The following SVEP1 variants were observed in gnomAD, a reference collection of about 807,000 sequenced individuals.
The protein encoded by SVEP1 is sushi, von Willebrand factor type A, EGF and pentraxin domain containing 1, also known as sushi, von Willebrand factor type A, EGF and pentraxin domain-containing protein 1.
In SVEP1, 164 loss-of-function variants were observed where a neutral mutation model predicts 367.3. That is an observed-to-expected ratio of 0.45 (90% CI 0.39 to 0.51). The LOEUF is 0.51. SVEP1 is among the 20% of genes least tolerant of loss of function. The probability of loss-of-function intolerance (pLI) is 0.00; values close to 1 mark genes in which losing one functional copy is unlikely to be tolerated. For synonymous variants in SVEP1, 1,666 were observed against 1,611.6 expected (o/e 1.03, Z -0.81); for missense variants, 4,117 against 4,425.3 (o/e 0.93, Z 1.98).
intron 3 of SVEP1, among the ~76,000 whole-genome samples, chr9:110,520,589 G>A (rs1829863990): frequency 6.6e-6 from 1 of 152,092 alleles, no homozygotes; most frequent in Non-Finnish European, 1.5e-5. Flanking sequence ...TTTGACTGAA[G>A]TAAATAAAAA....
intron 7 of SVEP1, 59 bp from the exon 8 acceptor site, chr9:110,496,992 A>C: frequency 8.9e-7 from 1 of 1,121,164 alleles, no homozygotes; most frequent in South Asian, 1.6e-5. Context: ...TAGATCATTT[A>C]AGGAAGAGGT....
In SVEP1 at chr9:110,466,760, C is replaced by CAAAAAAAAAAAAAAAAAAAAAAAAA. The variant is rs71371670; in HGVS notation, c.3161-735_3161-734insTTTTTTTTTTTTTTTTTTTTTTTTT. 6.5e-5 allele frequency among the ~76,000 whole-genome samples: 3 copies of CAAAAAAAAAAAAAAAAAAAAAAAAA among 46,408 alleles called. 1 individual carries two copies. The highest frequency in any genetic ancestry group is 2.8e-4 in the African/African-American group (3 of 10,800). 30.4% of individuals were successfully genotyped at this position (46,408 alleles called of 152,430 possible). A position where few individuals can be genotyped will look rare whatever the true frequency, so the allele number is the denominator to read the frequency against. On this transcript the variant is annotated intron_variant, in intron 17 of 47. Transcript: ENST00000374469. ...TGGGCGACAGAGCGAGACTCCATCTCAAAAAAAAAAAAAAAAAAGAACTGG... is the reference window on the plus strand; with the variant it reads ...TGGGCGACAGAGCGAGACTCCATCTCAAAAAAAAAAAAAAAAAAAAAAAAAAAAAAAAAAAAAAAAAAAGAACTGG...
In SVEP1 at chr9:110,496,893, C is replaced by T. The variant is rs777161750; in HGVS notation, c.1722G>A (p.Glu574=). 1.4e-5 allele frequency: 21 copies of T among 1,555,144 alleles called. No homozygotes were observed. The South Asian group carries it at 2.3e-4, about 17-fold the overall frequency. Residue 574 remains glutamate (E), a synonymous_variant, in exon 8 of 48, where the codon GAG becomes GAA. Transcript: ENST00000374469. The part of the protein sequence containing the change: ...APQINCPKDI[E]AKTLEQQDSA... ...AATCTTGCTGTTCCAGAGTCTTAGC[C>T]TCTATGTCCTTAGGACAGTTGATTT...
chr9:110,369,095 G>GTGAT (rs1827240296), intron 47 of SVEP1, among the ~76,000 whole-genome samples: 3 of 152,102 alleles, frequency 2.0e-5, no homozygotes, highest in African/African-American at 7.2e-5. Context: ...TCTAAGTGCA[G>GTGAT]TGATATATAT....
At chr9:110,483,729 T>C in intron 9 of SVEP1, 36 bp from the exon 10 acceptor site, 1 of 1,487,046 alleles carries the variant, frequency 6.7e-7, no homozygotes. Flanking sequence ...AAGTCACAGC[T>C]GATATTCACA....
At chr9:110,425,736 A>T (rs1828244298) in intron 36 of SVEP1, among the ~76,000 whole-genome samples, 1 of 152,228 alleles carries the variant, frequency 6.6e-6, no homozygotes, top group Non-Finnish European at 1.5e-5. Context: ...CTAAGTGAAC[A>T]ATTTGTGAGG....
At chr9:110,471,321 C>A in intron 16 of SVEP1, 43 bp downstream of exon 16, 2 of 1,524,938 alleles carry the variant, frequency 1.3e-6, no homozygotes, top group Non-Finnish European at 1.8e-6. Context: ...CTCATTTGAC[C>A]CAGTATGCAC....
chr9:110,457,146 T>C (rs1255406041), intron 21 of SVEP1, 110 bp downstream of exon 21: 1 of 824,894 alleles, frequency 1.2e-6, no homozygotes, highest in Admixed American at 3.8e-5. Context: ...CACATTTACA[T>C]GGTCTAATGT....
intron 9 of SVEP1, among the ~76,000 whole-genome samples, chr9:110,487,152 C>T (rs528517041): frequency 2.0e-5 from 3 of 152,256 alleles, no homozygotes; most frequent in South Asian, 2.1e-4. Context: ...GATGGGGTTT[C>T]TTCACATTGG....
At chr9:110,466,914 A>G (rs573878333) in intron 17 of SVEP1, among the ~76,000 whole-genome samples, 1 of 152,112 alleles carries the variant, frequency 6.6e-6, no homozygotes, top group Non-Finnish European at 1.5e-5. Flanking sequence ...GCAACTTGCT[A>G]TAATTCATAA....
rs184384147 is a variant in SVEP1 at position 110,431,136 on chromosome 9, A to T, written c.5354-686T>A. On this transcript the variant is annotated intron_variant, in intron 32 of 47. Coordinates refer to ENST00000374469, the MANE Select transcript of SVEP1 (RefSeq NM_153366.4). ...AGCTGATTTTGAGGAAAACAGCCAGAGGTAAGCATAAAGATGTATGTCCAA... is the reference window on the plus strand; with the variant it reads ...AGCTGATTTTGAGGAAAACAGCCAGTGGTAAGCATAAAGATGTATGTCCAA... Among the ~76,000 whole-genome samples the T allele has an allele frequency of 2.6e-5, 4 of 152,360 alleles. 1 individual carries two copies. The highest frequency in any genetic ancestry group is 9.6e-5 in the African/African-American group (4 of 41,600).
intron 36 of SVEP1, among the ~76,000 whole-genome samples, chr9:110,414,985 C>A (rs572152371): frequency 1.3e-5 from 2 of 151,978 alleles, no homozygotes; most frequent in Non-Finnish European, 2.9e-5. Context: ...CTCTGCGTTT[C>A]TCACCAAGGA....
rs145877965 is a variant in SVEP1 at position 110,481,049 on chromosome 9, A to G, written c.2365+193T>C. Among the ~76,000 whole-genome samples, 817 of 152,352 alleles carry G rather than the reference A, an allele frequency of 5.4e-3. 4 individuals are homozygous for G. The highest frequency in any genetic ancestry group is 9.1e-3 in the Non-Finnish European group (619 of 68,032). On this transcript the variant is annotated intron_variant, in intron 12 of 47. Coordinates refer to ENST00000374469, the MANE Select transcript of SVEP1 (RefSeq NM_153366.4). ...AAACTGAATCTTGTCCTACAGCAAT[A>G]CAATCTATAATAAGACTTTAGTGAC...
At chr9:110,441,432 T>A (rs1828507962) in intron 27 of SVEP1, among the ~76,000 whole-genome samples, 1 of 152,226 alleles carries the variant, frequency 6.6e-6, no homozygotes, top group Admixed American at 6.5e-5. Flanking sequence ...TGAGCCTCCT[T>A]CTCTGCCCTC....
At chr9:110,486,432 C>T (rs1161959173) in intron 9 of SVEP1, among the ~76,000 whole-genome samples, 2 of 152,082 alleles carry the variant, frequency 1.3e-5, no homozygotes, top group Non-Finnish European at 1.5e-5. Context: ...CTGTGGCAGC[C>T]AAGGAGAAGC....
At position 110,578,964 on chromosome 9, in the gene SVEP1, CG is replaced by C. The variant is rs1045690251; in HGVS notation, c.531+48del. On this transcript the variant is annotated intron_variant, in intron 1 of 47. Transcript: ENST00000374469. ...TAGAGACGGGCAGGCAGCGGTGGGTCGAAGGGCCCGGGGACTAGGGCCCGGG... is the reference window on the plus strand; with the variant it reads ...TAGAGACGGGCAGGCAGCGGTGGGTCAAGGGCCCGGGGACTAGGGCCCGGG... The C allele has an allele frequency of 2.6e-6, 4 of 1,532,706 alleles. No homozygotes were observed. The African/African-American group carries it at 5.6e-5, about 21-fold the overall frequency. The allele number at this position is 1,532,706 out of a possible 1,614,324, so 94.9% of individuals were successfully genotyped here.
chr9:110,549,797 C>T, intron 2 of SVEP1, 52 bp downstream of exon 2: 1 of 1,595,394 alleles, frequency 6.3e-7, no homozygotes, highest in Non-Finnish European at 8.6e-7. Context: ...CAGTGAGAGG[C>T]AAGGAAGCCT....
intron 16 of SVEP1, among the ~76,000 whole-genome samples, chr9:110,469,939 T>C (rs1448507226): frequency 1.3e-5 from 2 of 152,176 alleles, no homozygotes; most frequent in Non-Finnish European, 2.9e-5. Context: ...GTGCTTTTGA[T>C]TGGCTGAATT....
chr9:110,385,367 G>A (rs1827504551), intron 43 of SVEP1, among the ~76,000 whole-genome samples: 1 of 152,224 alleles, frequency 6.6e-6, no homozygotes, highest in Non-Finnish European at 1.5e-5. Context: ...CCTCCAGATT[G>A]CATAAATGGA....
Sources: allele counts gnomAD v4.1 joint callset (sites outside exome capture counted in the v4.1 genomes callset), GRCh38; gene constraint gnomAD v4.1.1; transcripts MANE v1.5; gene names NCBI Gene and HGNC (gene_info 2026-07-23, HGNC 2026-07-21).